The following DNAAF4 variants were observed in gnomAD, a reference collection of about 807,000 sequenced individuals.
DNAAF4 encodes dynein assembly factor 4, axonemal.
In DNAAF4, 43 loss-of-function variants were observed where a neutral mutation model predicts 51.8. The observed-to-expected ratio is 0.83, with a 90% CI of 0.65 to 1.07. The LOEUF (loss-of-function observed/expected upper bound fraction) is 1.07. Among genes scored for constraint, DNAAF4 ranks in the 50% least tolerant of loss-of-function variants. The probability of loss-of-function intolerance (pLI) is 0.00; values close to 1 mark genes in which losing one functional copy is unlikely to be tolerated. For missense variants in DNAAF4, 581 were observed against 493.0 expected, an observed-to-expected ratio of 1.18 and a Z score of -1.69; for synonymous variants, 194 against 165.6, an observed-to-expected ratio of 1.17 and a Z score of -1.32.
chr15:55,461,803 T>C (rs888833016), intron 5 of DNAAF4, among the ~76,000 whole-genome samples: 1 of 151,716 alleles, frequency 6.6e-6, no homozygotes, highest in African/African-American at 2.4e-5. Context: ...CAGAACTAAA[T>C]GAAACTGAAA....
intron 4 of DNAAF4, among the ~76,000 whole-genome samples, chr15:55,470,564 C>T: frequency 6.8e-6 from 1 of 146,234 alleles, no homozygotes; most frequent in African/African-American, 2.5e-5. Flanking sequence ...TTTTTTTAGA[C>T]AGGGTCTTGC....
chr15:55,465,556 T>C (rs1242851352), intron 5 of DNAAF4, among the ~76,000 whole-genome samples: 1 of 150,786 alleles, frequency 6.6e-6, no homozygotes, highest in African/African-American at 2.4e-5. Context: ...AAATACCATA[T>C]GTTCTCACTT....
chr15:55,419,403 GT>G (rs1182331754), intron 7 of DNAAF4, among the ~76,000 whole-genome samples: 11 of 149,558 alleles, frequency 7.4e-5, no homozygotes, highest in Non-Finnish European at 1.0e-4. Flanking sequence ...TTTGTGGGGT[GT>G]GTGTGTGTGT....
intron 6 of DNAAF4, among the ~76,000 whole-genome samples, chr15:55,447,093 C>G (rs1181570101): frequency 2.0e-5 from 3 of 150,218 alleles, no homozygotes; most frequent in Admixed American, 2.0e-4. Context: ...GTGCTCCTCA[C>G]TTCCCAGATG....
chr15:55,442,854 A>T (rs1406118261), intron 6 of DNAAF4: 1 of 1,612,680 alleles, frequency 6.2e-7, no homozygotes, highest in South Asian at 1.1e-5. Context: ...CCATCATTGC[A>T]CACATACCAA....
intron 6 of DNAAF4, chr15:55,443,073 A>G: frequency 6.2e-7 from 1 of 1,610,986 alleles, no homozygotes; most frequent in Non-Finnish European, 8.5e-7. Flanking sequence ...TTGGGTCAAG[A>G]AAATGGGTTT....
intron 4 of DNAAF4, among the ~76,000 whole-genome samples, chr15:55,467,762 C>A (rs2058190815): frequency 2.1e-5 from 2 of 95,398 alleles, no homozygotes; most frequent in South Asian, 6.2e-4. Flanking sequence ...TGCTGCAAAA[C>A]CTATGTTTGC....
At chr15:55,428,255 A>G (rs2057450076), downstream of DNAAF4, among the ~76,000 whole-genome samples, 1 of 151,736 alleles carries the variant, frequency 6.6e-6, no homozygotes, top group Non-Finnish European at 1.5e-5. Flanking sequence ...TGCCCAGCAT[A>G]AACTATAATT....
chr15:55,480,326 G>A (rs1436764854), intron 4 of DNAAF4, among the ~76,000 whole-genome samples: 1 of 152,020 alleles, frequency 6.6e-6, no homozygotes, highest in African/African-American at 2.4e-5. Flanking sequence ...AATACTGGGG[G>A]TGGGATCCCC....
chr15:55,501,836 A>T (rs776098534), intron 1 of DNAAF4, among the ~76,000 whole-genome samples: 125 of 151,988 alleles, frequency 8.2e-4, no homozygotes, highest in Middle Eastern at 3.4e-3. Flanking sequence ...TGAGGTTAAG[A>T]GTTTGAGACC....
chr15:55,484,495 A>AAT (rs1307954982), intron 4 of DNAAF4, among the ~76,000 whole-genome samples: 1 of 151,932 alleles, frequency 6.6e-6, no homozygotes, highest in African/African-American at 2.4e-5. Context: ...AGGAAAAAAA[A>AAT]AAAAAAAAAC....
At chr15:55,444,953 C>G (rs528087254) in intron 6 of DNAAF4, among the ~76,000 whole-genome samples, 1 of 150,360 alleles carries the variant, frequency 6.7e-6, no homozygotes, top group Non-Finnish European at 1.5e-5. Context: ...TGGGCTGAGA[C>G]GATGGGGTTT....
chr15:55,484,498 A>AAC (rs1555420210), intron 4 of DNAAF4, among the ~76,000 whole-genome samples: 1 of 151,384 alleles, frequency 6.6e-6, no homozygotes, highest in Admixed American at 6.6e-5. Context: ...AAAAAAAAAA[A>AAC]AAAAAACAGA....
At chr15:55,505,863 C>T (rs968370401) in intron 1 of DNAAF4, among the ~76,000 whole-genome samples, 2 of 152,110 alleles carry the variant, frequency 1.3e-5, no homozygotes, top group Non-Finnish European at 2.9e-5. Context: ...ACATGTATAC[C>T]TATGTAACAA....
At position 55,474,903 on chromosome 15, in the gene DNAAF4, T is replaced by C. The variant is rs779286700; in HGVS notation, c.406-7742A>G. On this transcript the variant is annotated intron_variant, in intron 4 of 9. Transcript: ENST00000321149. ...CTGAGGAAGGAGAATCACTTGAACCTGGGAAGTGGAGGTTGCAGTGAGCCA... is the reference window on the plus strand; with the variant it reads ...CTGAGGAAGGAGAATCACTTGAACCCGGGAAGTGGAGGTTGCAGTGAGCCA... Among the ~76,000 whole-genome samples the C allele has an allele frequency of 5.0e-4, 75 of 150,984 alleles. 1 individual carries two copies. The highest frequency in any genetic ancestry group is 7.0e-3 in the Middle Eastern group (2 of 286).
chr15:55,442,949 A>G, intron 6 of DNAAF4: 1 of 1,611,588 alleles, frequency 6.2e-7, no homozygotes, highest in Non-Finnish European at 8.5e-7. Flanking sequence ...TGAAATAAGC[A>G]AACCATCCTT....
chr15:55,490,923 C>G, intron 4 of DNAAF4, 200 bp downstream of exon 4: 1 of 505,212 alleles, frequency 2.0e-6, no homozygotes, highest in South Asian at 4.0e-5. Flanking sequence ...CACTGCACTC[C>G]AGCCTGGGCG....
At chr15:55,423,744 G>T (rs1307474721) in intron 7 of DNAAF4, among the ~76,000 whole-genome samples, 1 of 152,094 alleles carries the variant, frequency 6.6e-6, no homozygotes, top group Non-Finnish European at 1.5e-5. Context: ...CTTAAGATAA[G>T]GAGTGCGAGA....
intron 6 of DNAAF4, among the ~76,000 whole-genome samples, chr15:55,449,083 G>A (rs888478279): frequency 2.7e-5 from 4 of 149,282 alleles, no homozygotes; most frequent in African/African-American, 4.9e-5. Flanking sequence ...TCTGACCCCC[G>A]GGTTCAAGTG....
Sources: gnomAD v4.1 joint callset for allele counts (sites outside exome capture counted in the v4.1 genomes callset) on GRCh38, gnomAD v4.1.1 for gene constraint, MANE v1.5 for transcripts, NCBI Gene and HGNC (gene_info 2026-07-23, HGNC 2026-07-21) for gene names.